The following MINDY4 variants were observed in gnomAD, a reference collection of about 807,000 sequenced individuals.
The protein encoded by MINDY4 is MINDY lysine 48 deubiquitinase 4.
A neutral mutation model predicts 87.0 loss-of-function variants in MINDY4; 68 were observed. The observed-to-expected ratio is 0.78, with a 90% CI of 0.64 to 0.96. The LOEUF (loss-of-function observed/expected upper bound fraction) is 0.96. MINDY4 is among the 40% of genes least tolerant of loss of function. MINDY4 has a pLI of 0.00. For synonymous variants in MINDY4, 379 were observed against 363.2 expected (o/e 1.04, Z -0.50); for missense variants, 919 against 928.2 (o/e 0.99, Z 0.13).
rs190392890 is a variant in MINDY4, at chr7:30,843,422, T to G, written c.1445+2574T>G. On this transcript the variant is annotated intron_variant, in intron 9 of 17. Transcript: ENST00000265299. ...ATCAAGCCTTGGCCCTTGCAGGAGA[T>G]TGTCTCTAAACTCATTTCAGCCTAG... is the stretch of plus-strand genomic sequence containing the variant. Among the ~76,000 whole-genome samples, 206 of 152,256 alleles carry G rather than the reference T, an allele frequency of 1.4e-3. 1 individual carries two copies. Among genetic ancestry groups the G allele is most frequent in the African/African-American group, 4.5e-3 (187 of 41,554 alleles).
At chr7:30,838,439 A>T (rs1788929242) in intron 7 of MINDY4, among the ~76,000 whole-genome samples, 1 of 152,176 alleles carries the variant, frequency 6.6e-6, no homozygotes, top group South Asian at 2.1e-4. Flanking sequence ...AGAGAGTTGT[A>T]CTAGACCAGG....
chr7:30,886,690 C>G (rs1391598907), intron 17 of MINDY4, among the ~76,000 whole-genome samples: 1 of 152,220 alleles, frequency 6.6e-6, no homozygotes, highest in African/African-American at 2.4e-5. Context: ...TGCACAAGCC[C>G]AGACTGCTGG....
intron 15 of MINDY4, among the ~76,000 whole-genome samples, chr7:30,875,862 C>T (rs1046805427): frequency 3.9e-5 from 6 of 152,194 alleles, no homozygotes; most frequent in Admixed American, 3.3e-4. Flanking sequence ...CAGCTGATAC[C>T]GTGTTCTGGG....
intron 13 of MINDY4, among the ~76,000 whole-genome samples, chr7:30,866,413 A>G (rs1197738221): frequency 6.6e-6 from 1 of 152,272 alleles, no homozygotes; most frequent in East Asian, 1.9e-4. Context: ...GCTGTTCACC[A>G]GGGCCTTTCT....
At position 30,882,364 on chromosome 7, in the gene MINDY4, G is replaced by T. The variant is rs1352154697; in HGVS notation, c.2152+3G>T. ...GGAGCAGATCCGGCTGACCATTGGTGCGGGCCCTCACCCCCCCACCCACCC... is the reference window on the plus strand; with the variant it reads ...GGAGCAGATCCGGCTGACCATTGGTTCGGGCCCTCACCCCCCCACCCACCC... On this transcript the variant is annotated splice_donor_region_variant and intron_variant, in intron 16 of 17. Coordinates refer to ENST00000265299, the MANE Select transcript of MINDY4 (RefSeq NM_032222.3). 6.4e-7 allele frequency: 1 copy of T among 1,560,338 alleles called. No homozygotes were observed.
chr7:30,852,092 C>T (rs1216510221), intron 10 of MINDY4, 124 bp from the exon 11 acceptor site: 1 of 1,091,944 alleles, frequency 9.2e-7, no homozygotes. Flanking sequence ...ACTCTTGGCT[C>T]CATTTTCTCT....
intron 12 of MINDY4, among the ~76,000 whole-genome samples, chr7:30,856,514 C>G (rs1348409310): frequency 6.6e-6 from 1 of 151,806 alleles, no homozygotes; most frequent in Non-Finnish European, 1.5e-5. Context: ...CAAATTTACA[C>G]AGAGTTGGGG....
intron 4 of MINDY4, among the ~76,000 whole-genome samples, chr7:30,789,833 A>G (rs904170160): frequency 6.6e-6 from 1 of 152,234 alleles, no homozygotes; most frequent in Non-Finnish European, 1.5e-5. Flanking sequence ...ATTAATAACA[A>G]CATGAGTTCC....
chr7:30,819,575 G>C (rs1221476925), intron 5 of MINDY4, among the ~76,000 whole-genome samples: 1 of 152,072 alleles, frequency 6.6e-6, no homozygotes, highest in African/African-American at 2.4e-5. Context: ...GGAGAGATGT[G>C]TTAAAATTTT....
chr7:30,856,331 A>T (rs1268138693), intron 12 of MINDY4, among the ~76,000 whole-genome samples: 5 of 152,068 alleles, frequency 3.3e-5, no homozygotes, highest in Admixed American at 6.6e-5. Flanking sequence ...TAAAAGTTTT[A>T]AAAAACAAAA....
rs564796220 is a variant in MINDY4, at chr7:30,796,621, T to G, written c.1073+5047T>G. On this transcript the variant is annotated intron_variant, in intron 5 of 17. Transcript: ENST00000265299. Reference sequence around the variant, plus strand: ...AGATCCTTAGAATCCAAACCCTTTATTTGGCAGGCGGGGAAAATAGAGCCC... The same window carrying G: ...AGATCCTTAGAATCCAAACCCTTTAGTTGGCAGGCGGGGAAAATAGAGCCC... 2.6e-5 allele frequency: 4 copies of G among 152,324 alleles called. No individual in the cohort carries two copies. The South Asian group carries it at 6.2e-4, about 24-fold the overall frequency. 9.4% of individuals were successfully genotyped at this position (152,324 alleles called of 1,614,324 possible).
chr7:30,800,985 T>C (rs368012824), intron 5 of MINDY4, among the ~76,000 whole-genome samples: 1 of 151,542 alleles, frequency 6.6e-6, no homozygotes, highest in Non-Finnish European at 1.5e-5. Context: ...CACCAGGCCC[T>C]ACCAGACCTT....
intron 1 of MINDY4, among the ~76,000 whole-genome samples, chr7:30,777,009 T>C (rs1448453803): frequency 1.3e-5 from 2 of 150,182 alleles, no homozygotes; most frequent in African/African-American, 4.9e-5. Context: ...TTTCTTTTTC[T>C]TTTTCTTTTT....
In MINDY4 at chr7:30,782,342, T is replaced by TG. The variant is rs1787030832; in HGVS notation, c.419+130_419+131insG. 55 of 578,764 alleles carry TG rather than the reference T, an allele frequency of 9.5e-5. No individual in the cohort carries two copies. The East Asian group carries it at 1.6e-3, about 17-fold the overall frequency. The allele number at this position is 578,764 out of a possible 1,614,324, so 35.9% of individuals were successfully genotyped here. On this transcript the variant is annotated intron_variant, in intron 3 of 17. Coordinates refer to ENST00000265299, the MANE Select transcript of MINDY4 (RefSeq NM_032222.3). ...CAATATAGTCTCTGTGTGTGTATGT[T>TG]TGTGTGTGTGTGTGTGTGTGTGTGT...
chr7:30,862,965 G>C (rs1306543595), intron 13 of MINDY4, among the ~76,000 whole-genome samples: 1 of 152,132 alleles, frequency 6.6e-6, no homozygotes, highest in Admixed American at 6.5e-5. Flanking sequence ...GATTAGAGCG[G>C]CAGAGGTGGG....
In MINDY4 at chr7:30,882,939, C is replaced by G. The variant is rs764113385; in HGVS notation, c.2171C>G (p.Ser724Cys). The G allele has an allele frequency of 8.7e-6, 14 of 1,613,934 alleles. No homozygotes were observed. The East Asian group carries it at 1.6e-4, about 18-fold the overall frequency. ...RLTIDTTQTI[S>C]EDTDNDLVPP... ...TTCCCAGACACCACCCAAACCATCT[C>G]TGAGGACACAGACAACGACCTTGTC... Residue 724 changes from serine (S) to cysteine (C), a missense_variant, in exon 17 of 18, where the codon TCT (serine) becomes TGT (cysteine). Physicochemically the swap from Ser to Cys is moderately radical, Grantham distance 112. Coordinates refer to ENST00000265299, the MANE Select transcript of MINDY4 (RefSeq NM_032222.3).
In MINDY4 at chr7:30,771,431, A is replaced by C. The variant is rs1299886681; in HGVS notation, c.-63A>C. On this transcript the variant is annotated 5_prime_UTR_variant, in exon 1 of 18. Transcript: ENST00000265299. ...GCAACGCGGCCATACTGCGCCGGAC[A>C]GACCCAGTTGCCTGGTGCTGCGGCC... 5 of 1,541,634 alleles carry C rather than the reference A, an allele frequency of 3.2e-6. No homozygotes were observed. The African/African-American group carries it at 5.4e-5, about 17-fold the overall frequency.
intron 17 of MINDY4, among the ~76,000 whole-genome samples, chr7:30,888,533 G>A (rs1321713248): frequency 6.6e-6 from 1 of 152,176 alleles, no homozygotes; most frequent in Non-Finnish European, 1.5e-5. Flanking sequence ...CCTCAGAGGT[G>A]TTTCCATTTC....
intron 12 of MINDY4, among the ~76,000 whole-genome samples, chr7:30,853,950 G>A (rs1458541904): frequency 6.6e-6 from 1 of 151,784 alleles, no homozygotes; most frequent in African/African-American, 2.4e-5. Context: ...TGGGGTGGCA[G>A]GGCTGCTCTG....
Sources: gnomAD v4.1 joint callset for allele counts (sites outside exome capture counted in the v4.1 genomes callset) on GRCh38, gnomAD v4.1.1 for gene constraint, MANE v1.5 for transcripts, NCBI Gene and HGNC (gene_info 2026-07-23, HGNC 2026-07-21) for gene names.